MGAT4C: variants seen among roughly 807,000 people sequenced by gnomAD.
MGAT4C encodes the protein alpha-1,3-mannosyl-glycoprotein 4-beta-N-acetylglucosaminyltransferase C.
In MGAT4C, 19 loss-of-function variants were observed where a neutral mutation model predicts 40.1. The ratio of observed to expected loss-of-function variants is 0.47; its 90% CI spans 0.33 to 0.70. The LOEUF is 0.70. MGAT4C is among the 30% of genes least tolerant of loss of function. The probability of loss-of-function intolerance (pLI) is 0.02; values close to 1 mark genes in which losing one functional copy is unlikely to be tolerated. For synonymous variants in MGAT4C, 181 were observed against 187.1 expected (o/e 0.97, Z 0.27); for missense variants, 491 against 563.2 (o/e 0.87, Z 1.30).
chr12:86,227,751 A>G, intron 1 of MGAT4C, among the ~76,000 whole-genome samples: 1 of 151,916 alleles, frequency 6.6e-6, no homozygotes, highest in Non-Finnish European at 1.5e-5. Flanking sequence ...GAAGTATCTG[A>G]TACCAAGGAT....
chr12:86,057,388 C>G (rs1893513253), intron 1 of MGAT4C, among the ~76,000 whole-genome samples: 1 of 152,018 alleles, frequency 6.6e-6, no homozygotes, highest in African/African-American at 2.4e-5. Flanking sequence ...TTTTCTGATC[C>G]CTTTATTGGT....
chr12:86,411,942 C>T (rs1368137155), intron 3 of MGAT4C, among the ~76,000 whole-genome samples: 1 of 152,110 alleles, frequency 6.6e-6, no homozygotes, highest in East Asian at 1.9e-4. Context: ...CTAACAGGGG[C>T]CCCAAAATTT....
intron 2 of MGAT4C, among the ~76,000 whole-genome samples, chr12:86,464,857 C>A (rs956430192): frequency 6.6e-6 from 1 of 151,886 alleles, no homozygotes; most frequent in African/African-American, 2.4e-5. Context: ...AAGCGTATGA[C>A]TTCTATGTAA....
At chr12:86,055,795 G>A (rs78587669) in intron 1 of MGAT4C, among the ~76,000 whole-genome samples, 3,050 of 151,886 alleles carry the variant, frequency 0.02, 113 homozygotes, top group African/African-American at 0.07. Context: ...ATAGTATCTT[G>A]TTTTCATTTG....
chr12:86,242,372 T>C (rs1272701550), intron 1 of MGAT4C, among the ~76,000 whole-genome samples: 1 of 152,188 alleles, frequency 6.6e-6, no homozygotes, highest in East Asian at 1.9e-4. Context: ...TCAGGTTCAA[T>C]CTATCTTTCC....
At chr12:86,523,455 T>C (rs567359057) in intron 2 of MGAT4C, among the ~76,000 whole-genome samples, 5 of 152,156 alleles carry the variant, frequency 3.3e-5, no homozygotes, top group Non-Finnish European at 4.4e-5. Context: ...ATCTGAAAGA[T>C]TGGCTGTTCT....
intron 1 of MGAT4C, among the ~76,000 whole-genome samples, chr12:86,740,853 G>C (rs1215613391): frequency 6.6e-6 from 1 of 151,166 alleles, no homozygotes; most frequent in African/African-American, 2.4e-5. Flanking sequence ...TTTTTAAAAA[G>C]TAATTTCAAC....
At chr12:85,982,202 T>C (rs904869159) in intron 4 of MGAT4C, among the ~76,000 whole-genome samples, 2 of 152,262 alleles carry the variant, frequency 1.3e-5, no homozygotes, top group Admixed American at 1.3e-4. Flanking sequence ...TTTTTTGAAA[T>C]GGAGTCTTGC....
chr12:86,572,359 A>G (rs1960399870), intron 2 of MGAT4C, among the ~76,000 whole-genome samples: 1 of 152,036 alleles, frequency 6.6e-6, no homozygotes, highest in South Asian at 2.1e-4. Context: ...TTTGTACTCA[A>G]TCAGTCATAC....
rs1762378299 is a variant in MGAT4C, at chr12:85,960,796, A to T, written c.*18493T>A. On this transcript the variant is annotated 3_prime_UTR_variant, in exon 5 of 5. Coordinates refer to ENST00000611864, the MANE Select transcript of MGAT4C (RefSeq NM_001351288.2). ...TCCTATTAAGCTGAATCACCAAAAAAAAATTTGATATGAAAGTCATACATT... is the reference window on the plus strand; with the variant it reads ...TCCTATTAAGCTGAATCACCAAAAATAAATTTGATATGAAAGTCATACATT... The T allele has an allele frequency of 1.3e-5, 2 of 151,960 alleles. No homozygotes were observed. The allele number at this position is 151,960 out of a possible 1,614,324, so 9.4% of individuals were successfully genotyped here.
intron 1 of MGAT4C, among the ~76,000 whole-genome samples, chr12:86,163,293 G>T (rs946516595): frequency 3.3e-5 from 5 of 151,670 alleles, no homozygotes; most frequent in Non-Finnish European, 7.4e-5. Flanking sequence ...CAATTCCTGG[G>T]TTCAAGCAAT....
chr12:86,608,987 A>G (rs1207242678), intron 2 of MGAT4C, among the ~76,000 whole-genome samples: 1 of 152,152 alleles, frequency 6.6e-6, no homozygotes, highest in Non-Finnish European at 1.5e-5. Flanking sequence ...AGATGAAAGC[A>G]TAGAGAATAA....
chr12:86,309,757 T>C (rs1019558898), intron 4 of MGAT4C, among the ~76,000 whole-genome samples: 5 of 152,294 alleles, frequency 3.3e-5, no homozygotes, highest in South Asian at 2.1e-4. Flanking sequence ...CAATAAAACC[T>C]AGGGGAAAGC....
chr12:86,274,577 T>A (rs1248290631), intron 4 of MGAT4C, among the ~76,000 whole-genome samples: 1 of 152,126 alleles, frequency 6.6e-6, no homozygotes, highest in Non-Finnish European at 1.5e-5. Context: ...GATAATAATG[T>A]TAAAAAATGG....
intron 2 of MGAT4C, among the ~76,000 whole-genome samples, chr12:86,649,443 A>G (rs1021205914): frequency 1.3e-5 from 2 of 151,758 alleles, no homozygotes; most frequent in African/African-American, 2.4e-5. Flanking sequence ...ATTAGACAAT[A>G]ATTTCTAATT....
At chr12:86,213,657 G>A (rs1004384942) in intron 1 of MGAT4C, among the ~76,000 whole-genome samples, 88 of 152,044 alleles carry the variant, frequency 5.8e-4, no homozygotes, top group African/African-American at 2.0e-3. Context: ...GCATCAGCAT[G>A]CTAGCCATTT....
chr12:86,555,616 T>C (rs1011191285), intron 2 of MGAT4C, among the ~76,000 whole-genome samples: 16 of 152,170 alleles, frequency 1.1e-4, no homozygotes, highest in African/African-American at 3.9e-4. Flanking sequence ...CCTTGCTCCT[T>C]GCTGTCCCAG....
At chr12:86,383,511 G>A (rs891559965) in intron 3 of MGAT4C, among the ~76,000 whole-genome samples, 3 of 124,954 alleles carry the variant, frequency 2.4e-5, no homozygotes, top group Non-Finnish European at 3.1e-5. Flanking sequence ...AGATCACGCC[G>A]CTGCACTCCA....
intron 3 of MGAT4C, among the ~76,000 whole-genome samples, chr12:86,394,511 T>C (rs1200209678): frequency 6.9e-6 from 1 of 145,588 alleles, no homozygotes; most frequent in Admixed American, 7.0e-5. Flanking sequence ...ATTTTTTAAA[T>C]ATTTATATAT....
Sources: allele counts gnomAD v4.1 joint callset (sites outside exome capture counted in the v4.1 genomes callset), GRCh38; gene constraint gnomAD v4.1.1; transcripts MANE v1.5; gene names NCBI Gene and HGNC (gene_info 2026-07-23, HGNC 2026-07-21).